The following PTPN13 variants were observed in gnomAD, a reference collection of about 807,000 sequenced individuals.
PTPN13 encodes the protein protein tyrosine phosphatase non-receptor type 13.
Under a neutral mutation model 284.0 loss-of-function variants are expected in PTPN13, and 191 were observed. The ratio of observed to expected loss-of-function variants is 0.67; its 90% confidence interval spans 0.60 to 0.76. The LOEUF is 0.76. Among genes scored for constraint, PTPN13 ranks in the 30% least tolerant of loss-of-function variants. PTPN13 has a pLI of 0.00. For missense variants in PTPN13, 2,797 were observed against 2,939.9 expected, an observed-to-expected ratio of 0.95 and a Z score of 1.12; for synonymous variants, 986 against 1,022.3, an observed-to-expected ratio of 0.96 and a Z score of 0.68.
intron 12 of PTPN13, 90 bp from the exon 13 acceptor site, chr4:86,734,213 T>C (rs1735247356): frequency 9.7e-7 from 1 of 1,028,910 alleles, no homozygotes; most frequent in Non-Finnish European, 1.4e-6. Context: ...GATACTCTTT[T>C]ATGCAAGTCT....
chr4:86,801,297 T>C (rs1744003059), intron 42 of PTPN13, among the ~76,000 whole-genome samples: 1 of 152,236 alleles, frequency 6.6e-6, no homozygotes. Context: ...AAATCAGTGT[T>C]CCTGGAGTAA....
chr4:86,643,054 CTGAT>C (rs985806133), intron 2 of PTPN13, among the ~76,000 whole-genome samples: 2 of 152,108 alleles, frequency 1.3e-5, no homozygotes, highest in African/African-American at 2.4e-5. Flanking sequence ...GGGTGTTAGA[CTGAT>C]TGATTAGTCA....
intron 17 of PTPN13, among the ~76,000 whole-genome samples, chr4:86,749,310 TTCATCATCA>T (rs748716956): frequency 2.6e-5 from 4 of 151,132 alleles, no homozygotes; most frequent in African/African-American, 9.7e-5. Context: ...TTTCTTCATC[TTCATCATCA>T]TCATCATCAT....
Position 86,771,407 on chromosome 4 carries a change from T to A in PTPN13, c.5040T>A (p.His1680Gln). The A allele has an allele frequency of 6.4e-7, 1 of 1,567,058 alleles. No homozygotes were observed. The highest frequency in any genetic ancestry group is 1.2e-5 in the South Asian group (1 of 85,224). The change falls in exon 31 of 48, where the codon CAT (histidine) becomes CAA (glutamine). Residue 1680 changes from histidine to glutamine, a missense_variant. His to Gln is a conservative substitution (Grantham distance 24). Coordinates refer to ENST00000411767, the MANE Select transcript of PTPN13 (RefSeq NM_080683.3). ...ISNSTWSSAL[H>Q]QTLSNMVSQA... ...ATTCGACCTGGAGTTCAGCTTTGCA[T>A]CAGACTCTAAGCAACATGGTATCAC...
intron 1 of PTPN13, among the ~76,000 whole-genome samples, chr4:86,631,648 T>C (rs1722479913): frequency 6.6e-6 from 1 of 152,202 alleles, no homozygotes; most frequent in Admixed American, 6.5e-5. Flanking sequence ...GAAATGTTCA[T>C]AAAGATCCCA....
At chr4:86,670,117 G>A (rs962831337) in intron 2 of PTPN13, among the ~76,000 whole-genome samples, 2 of 146,554 alleles carry the variant, frequency 1.4e-5, no homozygotes, top group African/African-American at 2.5e-5. Flanking sequence ...CAGTCTTTGT[G>A]TTTGAGTACC....
At chr4:86,677,231 C>T (rs1008884168) in intron 3 of PTPN13, among the ~76,000 whole-genome samples, 3 of 151,766 alleles carry the variant, frequency 2.0e-5, no homozygotes, top group African/African-American at 4.8e-5. Flanking sequence ...CGCGCCACTG[C>T]ACTCCAACCT....
At position 86,758,755 on chromosome 4, in the gene PTPN13, C is replaced by G. The variant is rs1738313429; in HGVS notation, c.3391C>G (p.Pro1131Ala). The G allele has an allele frequency of 6.2e-7, 1 of 1,613,556 alleles. No homozygotes were observed. Among genetic ancestry groups the G allele is most frequent in the Admixed American group, 1.7e-5 (1 of 59,974 alleles). The change falls in exon 22 of 48, where the codon CCA (proline) becomes GCA (alanine). Residue 1131 changes from proline to alanine, a missense_variant. Transcript: ENST00000411767. ...IFISSVAPGG[P>A]ADLDGCLKPG... ...TATCAGTTCAGTTGCCCCTGGAGGA[C>G]CAGCTGACTTGGATGGATGCTTGAA...
chr4:86,621,389 C>T lies in PTPN13; in HGVS notation c.-5-13863C>T, dbSNP rs114374767. Among the ~76,000 whole-genome samples, 839 of 152,204 alleles carry T rather than the reference C, an allele frequency of 5.5e-3. 2 individuals are homozygous for T. The highest frequency in any genetic ancestry group is 0.029 in the South Asian group (139 of 4,822). On this transcript the variant is annotated intron_variant, in intron 1 of 47. Coordinates refer to ENST00000411767, the MANE Select transcript of PTPN13 (RefSeq NM_080683.3). ...ATGGCAAAATGCTTTCAAAGATAGCCGACTTTCTTATAGAGTTAACCAGCC... is the reference window on the plus strand; with the variant it reads ...ATGGCAAAATGCTTTCAAAGATAGCTGACTTTCTTATAGAGTTAACCAGCC...
At chr4:86,766,316 A>G (rs929487886) in intron 26 of PTPN13, 116 bp from the exon 27 acceptor site, 17 of 719,054 alleles carry the variant, frequency 2.4e-5, no homozygotes, top group Admixed American at 1.9e-4. Flanking sequence ...CTGTAACACA[A>G]TTTCTTCCAG....
chr4:86,697,877 A>G (rs1267066134), intron 6 of PTPN13, among the ~76,000 whole-genome samples: 1 of 145,758 alleles, frequency 6.9e-6, no homozygotes, highest in African/African-American at 2.6e-5. Context: ...TTAAAACACA[A>G]TGTAATTTAC....
Position 86,796,822 on chromosome 4 carries a change from G to A in PTPN13, c.6346-52G>A, listed in dbSNP as rs370921794. 104 of 1,184,212 alleles carry A rather than the reference G, an allele frequency of 8.8e-5. No homozygotes were observed. In the African/African-American group the frequency reaches 1.4e-3, roughly 16 times the overall value. 73.4% of individuals were successfully genotyped at this position (1,184,212 alleles called of 1,614,324 possible). On this transcript the variant is annotated intron_variant, in intron 40 of 47. Coordinates refer to ENST00000411767, the MANE Select transcript of PTPN13 (RefSeq NM_080683.3). ...AACTAACAGGAAAAAAATAGTATGC[G>A]ATTTTTTTTGTTACAATGGGCTGAT...
At chr4:86,747,144 T>C (rs1736858180) in intron 17 of PTPN13, among the ~76,000 whole-genome samples, 2 of 152,216 alleles carry the variant, frequency 1.3e-5, no homozygotes, top group Admixed American at 1.3e-4. Flanking sequence ...AAGTTTGAAG[T>C]TAGTCTGTCA....
chr4:86,798,792 T>A (rs1743651957), intron 41 of PTPN13, among the ~76,000 whole-genome samples: 1 of 152,218 alleles, frequency 6.6e-6, no homozygotes, highest in African/African-American at 2.4e-5. Context: ...TATATGCCGG[T>A]ACAATTGTAA....
At chr4:86,682,084 A>G (rs1257127854) in intron 3 of PTPN13, among the ~76,000 whole-genome samples, 1 of 152,250 alleles carries the variant, frequency 6.6e-6, no homozygotes, top group African/African-American at 2.4e-5. Flanking sequence ...TGTTATAGAT[A>G]CCAGGATGAA....
chr4:86,646,399 G>A (rs1238767281), intron 2 of PTPN13, among the ~76,000 whole-genome samples: 2 of 151,604 alleles, frequency 1.3e-5, no homozygotes, highest in East Asian at 3.9e-4. Context: ...CCAGGTTCAA[G>A]GGATCCTCCC....
intron 3 of PTPN13, among the ~76,000 whole-genome samples, chr4:86,685,498 A>C (rs1014606610): frequency 4.6e-5 from 7 of 152,128 alleles, no homozygotes; most frequent in Non-Finnish European, 1.0e-4. Flanking sequence ...AGTCCCAGCT[A>C]TTTGAGAAGC....
chr4:86,657,639 C>T (rs1289804095), intron 2 of PTPN13, among the ~76,000 whole-genome samples: 2 of 152,146 alleles, frequency 1.3e-5, no homozygotes, highest in East Asian at 3.9e-4. Context: ...TAGCCACTAC[C>T]GCCTAGCTGC....
At chr4:86,615,343 C>T (rs954505974) in intron 1 of PTPN13, among the ~76,000 whole-genome samples, 5 of 152,012 alleles carry the variant, frequency 3.3e-5, no homozygotes, top group African/African-American at 1.2e-4. Flanking sequence ...TCATATGGTT[C>T]AATCTGATAC....
Sources: gnomAD v4.1 joint callset for allele counts (sites outside exome capture counted in the v4.1 genomes callset) on GRCh38, gnomAD v4.1.1 for gene constraint, MANE v1.5 for transcripts, NCBI Gene and HGNC (gene_info 2026-07-23, HGNC 2026-07-21) for gene names.